PPP3CC: variants seen among roughly 807,000 people sequenced by gnomAD.
The protein encoded by PPP3CC is protein phosphatase 3 catalytic subunit gamma, also known as serine/threonine-protein phosphatase 2B catalytic subunit gamma isoform.
A neutral mutation model predicts 60.3 loss-of-function variants in PPP3CC; 35 were observed. The ratio of observed to expected loss-of-function variants is 0.58; its 90% CI spans 0.44 to 0.77. The LOEUF (loss-of-function observed/expected upper bound fraction) is 0.77. Ranked by LOEUF, PPP3CC falls within the 30% of genes least tolerant of loss-of-function variation. The pLI is 0.00. For missense variants in PPP3CC, 570 were observed against 628.9 expected (o/e 0.91, Z 1.00); for synonymous variants, 206 against 224.3 (o/e 0.92, Z 0.73).
intron 8 of PPP3CC, chr8:22,523,611 T>A (rs1317361745): frequency 2.2e-6 from 1 of 446,488 alleles, no homozygotes; most frequent in South Asian, 1.6e-5. Flanking sequence ...TCAAAAACAT[T>A]TTTGGAACTC....
chr8:22,483,722 A>G (rs755617537), intron 3 of PPP3CC, among the ~76,000 whole-genome samples: 1 of 152,110 alleles, frequency 6.6e-6, no homozygotes, highest in Non-Finnish European at 1.5e-5. Flanking sequence ...TTTGTCCTGT[A>G]TTTCCTTTCT....
Position 22,539,501 on chromosome 8 carries a change from A to G in PPP3CC, c.1351+3A>G. The G allele has an allele frequency of 6.2e-7, 1 of 1,612,592 alleles. No individual in the cohort carries two copies. The highest frequency in any genetic ancestry group is 8.5e-7 in the Non-Finnish European group (1 of 1,178,820). ...AGAAGCGGTAGAGGCCCGGGAAGGT[A>G]TGGCCATATTACTCTGATAGATGTG... On this transcript the variant is annotated splice_donor_region_variant and intron_variant, in intron 13 of 13. Transcript: ENST00000240139.
intron 3 of PPP3CC, among the ~76,000 whole-genome samples, chr8:22,492,370 T>C (rs78965699): frequency 0.042 from 6,419 of 152,292 alleles, 461 homozygotes; most frequent in African/African-American, 0.15. Context: ...GACATTGCTG[T>C]ATACTACCAG....
intron 6 of PPP3CC, among the ~76,000 whole-genome samples, chr8:22,514,813 G>A (rs972027787): frequency 6.6e-6 from 1 of 151,030 alleles, no homozygotes; most frequent in African/African-American, 2.4e-5. Flanking sequence ...CCTGAGTACT[G>A]GGATTACAGG....
chr8:22,488,629 G>A (rs916606850), intron 3 of PPP3CC, among the ~76,000 whole-genome samples: 1 of 152,232 alleles, frequency 6.6e-6, no homozygotes, highest in Non-Finnish European at 1.5e-5. Flanking sequence ...GTCCTTTACT[G>A]TATTTTCTAG....
chr8:22,522,973 C>T (rs1231605366), intron 8 of PPP3CC, among the ~76,000 whole-genome samples: 2 of 152,070 alleles, frequency 1.3e-5, no homozygotes, highest in African/African-American at 4.8e-5. Flanking sequence ...AAATAATGAT[C>T]ATAATAGGTC....
chr8:22,459,456 T>C (rs567229801), intron 1 of PPP3CC, among the ~76,000 whole-genome samples: 204 of 35,190 alleles, frequency 5.8e-3, no homozygotes, highest in African/African-American at 0.041. Context: ...CACTTTGTTA[T>C]GTGTGTGTGT....
chr8:22,518,521 G>C (rs1238016509), intron 6 of PPP3CC, among the ~76,000 whole-genome samples: 1 of 152,064 alleles, frequency 6.6e-6, no homozygotes, highest in African/African-American at 2.4e-5. Flanking sequence ...AGAATATTCT[G>C]TGTACACTTG....
chr8:22,457,224 T>C (rs2132440697), intron 1 of PPP3CC, among the ~76,000 whole-genome samples: 1 of 151,616 alleles, frequency 6.6e-6, no homozygotes, highest in South Asian at 2.1e-4. Flanking sequence ...ACCTTCTATT[T>C]ATTTTGGTAC....
rs151094689 is a variant in PPP3CC at position 22,478,541 on chromosome 8, T to G, written c.372+2917T>G. ...ATAGCTTTAAAATAGTTTTAATTCATTAATACATTCAATAAAGCACATAGA... is the reference window on the plus strand; with the variant it reads ...ATAGCTTTAAAATAGTTTTAATTCAGTAATACATTCAATAAAGCACATAGA... On this transcript the variant is annotated intron_variant, in intron 3 of 13. Coordinates refer to ENST00000240139, the MANE Select transcript of PPP3CC (RefSeq NM_005605.5). Among the ~76,000 whole-genome samples, 419 of 152,342 alleles carry G rather than the reference T, an allele frequency of 2.8e-3. 1 individual carries two copies. The highest frequency in any genetic ancestry group is 9.4e-3 in the African/African-American group (391 of 41,590).
chr8:22,481,331 G>C (rs1838059613), intron 3 of PPP3CC, among the ~76,000 whole-genome samples: 1 of 140,824 alleles, frequency 7.1e-6, no homozygotes, highest in Admixed American at 7.3e-5. Context: ...GCGAAACTCT[G>C]TCTCAAGAAA....
intron 5 of PPP3CC, 103 bp downstream of exon 5, chr8:22,511,334 G>A (rs1215801385): frequency 3.9e-6 from 5 of 1,281,920 alleles, no homozygotes; most frequent in Non-Finnish European, 5.3e-6. Flanking sequence ...CTTTCACCCG[G>A]GCTGAAGTAC....
intron 1 of PPP3CC, among the ~76,000 whole-genome samples, chr8:22,467,277 A>G (rs1315992772): frequency 1.3e-5 from 2 of 152,192 alleles, no homozygotes; most frequent in African/African-American, 4.8e-5. Context: ...ACTAGTGCGT[A>G]TAAGTACCTA....
At chr8:22,490,942 G>T (rs143451670) in intron 3 of PPP3CC, among the ~76,000 whole-genome samples, 17 of 152,212 alleles carry the variant, frequency 1.1e-4, no homozygotes, top group Middle Eastern at 3.4e-3. Flanking sequence ...ATAGCAGCAT[G>T]ACTTATAATC....
At chr8:22,475,854 C>T (rs1384595302) in intron 3 of PPP3CC, among the ~76,000 whole-genome samples, 1 of 152,074 alleles carries the variant, frequency 6.6e-6, no homozygotes, top group Non-Finnish European at 1.5e-5. Flanking sequence ...CCCAATTTTA[C>T]AAATAGTTAA....
intron 5 of PPP3CC, 132 bp downstream of exon 5, chr8:22,511,363 C>T (rs2117091593): frequency 2.1e-6 from 2 of 962,034 alleles, no homozygotes; most frequent in South Asian, 3.4e-5. Context: ...TATCTCAGCT[C>T]ACTGCAACCT....
At chr8:22,511,982 C>T (rs576687875) in intron 5 of PPP3CC, among the ~76,000 whole-genome samples, 11 of 151,602 alleles carry the variant, frequency 7.3e-5, no homozygotes, top group Non-Finnish European at 1.5e-4. Context: ...TAGATGATAA[C>T]GGTTTCATTG....
chr8:22,465,650 A>G (rs1231884681), intron 1 of PPP3CC, among the ~76,000 whole-genome samples: 3 of 152,168 alleles, frequency 2.0e-5, no homozygotes, highest in African/African-American at 7.2e-5. Flanking sequence ...GACCCATGCC[A>G]GATGCCTGGC....
At chr8:22,506,064 C>T (rs1221522376) in intron 4 of PPP3CC, among the ~76,000 whole-genome samples, 1 of 152,124 alleles carries the variant, frequency 6.6e-6, no homozygotes, top group Non-Finnish European at 1.5e-5. Context: ...TCCTCCTACC[C>T]TCCATTTTTA....
Sources: allele counts gnomAD v4.1 joint callset (sites outside exome capture counted in the v4.1 genomes callset), GRCh38; gene constraint gnomAD v4.1.1; transcripts MANE v1.5; gene names NCBI Gene and HGNC (gene_info 2026-07-23, HGNC 2026-07-21).